The following GASK1A variants were observed in gnomAD, a reference collection of about 807,000 sequenced individuals.
The protein encoded by GASK1A is Golgi-associated kinase 1A.
A neutral mutation model predicts 41.2 loss-of-function variants in GASK1A; 40 were observed. The observed-to-expected ratio is 0.97, with a 90% CI of 0.75 to 1.27. The LOEUF is 1.27. Ranked by LOEUF, GASK1A falls within the 50% of genes most tolerant of loss-of-function variation. GASK1A has a pLI of 0.00. For synonymous variants in GASK1A, 316 were observed against 307.1 expected (o/e 1.03, Z -0.30); for missense variants, 678 against 745.1 (o/e 0.91, Z 1.05).
intron 2 of GASK1A, among the ~76,000 whole-genome samples, chr3:43,050,037 GA>G (rs1434948541): frequency 2.3e-5 from 3 of 130,196 alleles, no homozygotes; most frequent in Non-Finnish European, 3.3e-5. Flanking sequence ...AATCAGAGGG[GA>G]AAAAAAGAAG....
intron 2 of GASK1A, among the ~76,000 whole-genome samples, chr3:43,044,562 G>A (rs777138336): frequency 1.3e-5 from 2 of 152,154 alleles, no homozygotes; most frequent in Non-Finnish European, 2.9e-5. Context: ...CTGAGGCACA[G>A]CAAGATTAGT....
At chr3:42,985,604 CAGGTGGT>C (rs1368332991) in intron 1 of GASK1A, among the ~76,000 whole-genome samples, 2 of 140,152 alleles carry the variant, frequency 1.4e-5, no homozygotes, top group Non-Finnish European at 3.1e-5. Context: ...GGCAGGGGAG[CAGGTGGT>C]AGGTGGTAGG....
At chr3:43,033,883 T>G (rs1477321419) in intron 2 of GASK1A, among the ~76,000 whole-genome samples, 3 of 152,246 alleles carry the variant, frequency 2.0e-5, no homozygotes, top group Non-Finnish European at 2.9e-5. Flanking sequence ...AATGCATTAT[T>G]TCCTAATTAT....
chr3:42,979,675 G>C (rs1265154832), intron 1 of GASK1A, 30 bp downstream of exon 1: 1 of 1,245,926 alleles, frequency 8.0e-7, no homozygotes, highest in Non-Finnish European at 1.0e-6. Context: ...ACGCGCGAGC[G>C]GAGGGTGGGG....
In GASK1A at chr3:43,056,323, A is replaced by G. The variant is rs1474597256; in HGVS notation, c.1665A>G (p.Gly555=). 1 of 1,551,492 alleles carries G rather than the reference A, an allele frequency of 6.4e-7. No homozygotes were observed. The highest frequency in any genetic ancestry group is 2.0e-5 in the Admixed American group (1 of 51,004). Residue 555 remains glycine (G), a synonymous_variant, in exon 5 of 5, where the codon GGA becomes GGG. Transcript: ENST00000430121. ...KQVLQTLEQR[G]QVLLGHIQKH... ...TCCTCCAGACCCTGGAGCAGCGAGG[A>G]CAGGTGCTGCTGGGACACATCCAAA...
chr3:43,034,340 G>T (rs978728052), intron 2 of GASK1A, among the ~76,000 whole-genome samples: 5 of 152,164 alleles, frequency 3.3e-5, no homozygotes. Flanking sequence ...GGTAGTGTGG[G>T]AATCCCAGGG....
At chr3:42,995,543 C>T (rs1185943520) in intron 1 of GASK1A, among the ~76,000 whole-genome samples, 1 of 152,188 alleles carries the variant, frequency 6.6e-6, no homozygotes, top group Non-Finnish European at 1.5e-5. Flanking sequence ...GCCTGTGGGT[C>T]CCGGTTTATA....
At chr3:42,996,289 T>A (rs1440695472) in intron 1 of GASK1A, among the ~76,000 whole-genome samples, 1 of 152,256 alleles carries the variant, frequency 6.6e-6, no homozygotes, top group Non-Finnish European at 1.5e-5. Flanking sequence ...GAACTTAACT[T>A]TGCATTAGGC....
At chr3:43,030,649 C>T (rs2089570586) in intron 1 of GASK1A, among the ~76,000 whole-genome samples, 2 of 152,178 alleles carry the variant, frequency 1.3e-5, no homozygotes, top group South Asian at 4.1e-4. Context: ...GGCAATGGGC[C>T]CCTGCTCTCT....
At chr3:43,024,373 C>T (rs902025779) in intron 1 of GASK1A, among the ~76,000 whole-genome samples, 9 of 152,176 alleles carry the variant, frequency 5.9e-5, no homozygotes, top group African/African-American at 1.9e-4. Flanking sequence ...CGCAATTTGC[C>T]TGCCCATCTC....
In GASK1A at chr3:43,053,537, A is replaced by G. The variant is rs2089700799; in HGVS notation, c.1307A>G (p.Asp436Gly). The G allele has an allele frequency of 6.5e-7, 1 of 1,549,530 alleles. No individual in the cohort carries two copies. The highest frequency in any genetic ancestry group is 2.4e-5 in the East Asian group (1 of 40,828). ...TCTCCACAGGTCCACGACCGCTTGGATCGCTACTGCTGTGGCTTCGAGCCT... is the reference window on the plus strand; with the variant it reads ...TCTCCACAGGTCCACGACCGCTTGGGTCGCTACTGCTGTGGCTTCGAGCCT... The part of the protein sequence containing the change: ...DFLLQVHDRL[D>G]RYCCGFEPEP... The change falls in exon 3 of 5, where the codon GAT becomes GGT. Residue 436 changes from aspartate to glycine, a missense_variant. Coordinates refer to ENST00000430121, the MANE Select transcript of GASK1A (RefSeq NM_001129908.3).
intron 1 of GASK1A, among the ~76,000 whole-genome samples, chr3:43,011,307 G>A (rs914365439): frequency 7.3e-5 from 11 of 151,442 alleles, no homozygotes; most frequent in Admixed American, 4.6e-4. Flanking sequence ...ACTTGAACCT[G>A]GAGGGCAGAG....
chr3:43,007,604 G>A (rs2089442741), intron 1 of GASK1A, among the ~76,000 whole-genome samples: 1 of 152,202 alleles, frequency 6.6e-6, no homozygotes, highest in East Asian at 1.9e-4. Context: ...CAGCTTTCAT[G>A]AGTCTGCTCA....
intron 2 of GASK1A, among the ~76,000 whole-genome samples, chr3:43,033,823 A>C (rs532514442): frequency 1.2e-4 from 18 of 152,252 alleles, no homozygotes; most frequent in Non-Finnish European, 2.2e-4. Flanking sequence ...TAAAAAATTA[A>C]GTTGTAGAAA....
At chr3:42,994,062 C>T (rs1262941431) in intron 1 of GASK1A, among the ~76,000 whole-genome samples, 1 of 152,346 alleles carries the variant, frequency 6.6e-6, no homozygotes, top group Non-Finnish European at 1.5e-5. Flanking sequence ...GGCCCTCCAG[C>T]CACAAATGTG....
intron 1 of GASK1A, among the ~76,000 whole-genome samples, chr3:42,985,134 G>A (rs2089301900): frequency 6.6e-6 from 1 of 152,128 alleles, no homozygotes; most frequent in African/African-American, 2.4e-5. Context: ...AGCAAGGATT[G>A]AGGGAAAAGG....
At chr3:42,995,239 A>G (rs555231286) in intron 1 of GASK1A, among the ~76,000 whole-genome samples, 15 of 152,322 alleles carry the variant, frequency 9.8e-5, no homozygotes, top group Admixed American at 2.6e-4. Flanking sequence ...CTATAAGAAA[A>G]ACAATAAGGC....
chr3:42,992,617 ATG>A (rs1214337285), intron 1 of GASK1A, among the ~76,000 whole-genome samples: 2 of 152,176 alleles, frequency 1.3e-5, no homozygotes, highest in Non-Finnish European at 1.5e-5. Flanking sequence ...TTTGGGATGT[ATG>A]CCAAAGAGGG....
intron 3 of GASK1A, among the ~76,000 whole-genome samples, chr3:43,055,001 C>T (rs1015893021): frequency 6.6e-6 from 1 of 152,174 alleles, no homozygotes; most frequent in Non-Finnish European, 1.5e-5. Flanking sequence ...TTGGCAACTG[C>T]TGATTCCCAC....
Sources: gnomAD v4.1 joint callset for allele counts (sites outside exome capture counted in the v4.1 genomes callset) on GRCh38, gnomAD v4.1.1 for gene constraint, MANE v1.5 for transcripts, NCBI Gene and HGNC (gene_info 2026-07-23, HGNC 2026-07-21) for gene names.